Variants in CNTN5 observed in about 807,000 individuals in gnomAD.
CNTN5 encodes contactin-5.
CNTN5 carries 77 observed loss-of-function variants against 129.1 expected under a neutral mutation model. That is an observed-to-expected ratio of 0.60 (90% CI 0.50 to 0.72). The LOEUF (loss-of-function observed/expected upper bound fraction) is 0.72, where lower values mean the gene tolerates loss of function less well. Among genes scored for constraint, CNTN5 ranks in the 30% least tolerant of loss-of-function variants. The pLI is 0.00. For synonymous variants in CNTN5, 509 were observed against 465.6 expected (o/e 1.09, Z -1.20); for missense variants, 1,478 against 1,328.8 (o/e 1.11, Z -1.75).
chr11:100,270,085 C>G (rs536862732), intron 17 of CNTN5, among the ~76,000 whole-genome samples: 1 of 151,768 alleles, frequency 6.6e-6, no homozygotes, highest in Non-Finnish European at 1.5e-5. Context: ...TTTTCCATGT[C>G]TTCATGTCAC....
chr11:99,844,748 G>T, intron 4 of CNTN5, 104 bp from the exon 5 acceptor site: 2 of 1,152,840 alleles, frequency 1.7e-6, no homozygotes, highest in Non-Finnish European at 1.2e-6. Context: ...TTGATTACAA[G>T]AAAAGAGCAA....
At chr11:99,266,758 A>G (rs1474774627) in intron 1 of CNTN5, among the ~76,000 whole-genome samples, 1 of 152,104 alleles carries the variant, frequency 6.6e-6, no homozygotes, top group East Asian at 1.9e-4. Context: ...GAGCATCTGC[A>G]AATTTTAGTA....
chr11:99,566,046 G>A (rs1228680835), intron 3 of CNTN5, among the ~76,000 whole-genome samples: 1 of 152,168 alleles, frequency 6.6e-6, no homozygotes, highest in Non-Finnish European at 1.5e-5. Context: ...GAGTTTGGAT[G>A]TTTGTCTTCT....
intron 4 of CNTN5, among the ~76,000 whole-genome samples, chr11:99,839,102 G>C (rs1011983938): frequency 6.6e-6 from 1 of 151,574 alleles, no homozygotes; most frequent in East Asian, 2.0e-4. Flanking sequence ...TCATTATTTT[G>C]AAATACAATT....
chr11:99,811,451 A>C (rs186840459), intron 3 of CNTN5, among the ~76,000 whole-genome samples: 27 of 147,928 alleles, frequency 1.8e-4, no homozygotes, highest in African/African-American at 6.6e-4. Context: ...TTTTGTTAAT[A>C]TTTTATTTAT....
chr11:99,749,878 C>A (rs983967145), intron 3 of CNTN5, among the ~76,000 whole-genome samples: 4 of 152,262 alleles, frequency 2.6e-5, no homozygotes, highest in African/African-American at 9.6e-5. Flanking sequence ...TATGCTTTGG[C>A]CACGGGGATA....
chr11:99,581,069 C>T (rs879784529), intron 3 of CNTN5, among the ~76,000 whole-genome samples: 879 of 116,670 alleles, frequency 7.5e-3, no homozygotes, highest in South Asian at 0.014. Context: ...ATCTTTATTT[C>T]TGCCTTCATT....
At chr11:99,819,508 C>G in intron 3 of CNTN5, 36 bp from the exon 4 acceptor site, 1 of 1,552,766 alleles carries the variant, frequency 6.4e-7, no homozygotes, top group African/African-American at 1.4e-5. Context: ...CTAGTTTCCT[C>G]AAAATTCAGA....
chr11:99,384,933 TA>T (rs1320840528), intron 2 of CNTN5, among the ~76,000 whole-genome samples: 12 of 152,184 alleles, frequency 7.9e-5, no homozygotes, highest in Non-Finnish European at 1.5e-4. Context: ...AAATTATTAT[TA>T]ATATGTTTGC....
intron 3 of CNTN5, among the ~76,000 whole-genome samples, chr11:99,644,771 C>T (rs757864488): frequency 1.3e-4 from 20 of 151,922 alleles, no homozygotes; most frequent in Non-Finnish European, 2.2e-4. Context: ...GATTTTTGTT[C>T]TAATATGTTG....
intron 2 of CNTN5, among the ~76,000 whole-genome samples, chr11:99,549,926 T>C: frequency 6.6e-6 from 1 of 152,184 alleles, no homozygotes. Flanking sequence ...TTTTCTACTC[T>C]TATATTTTAA....
chr11:100,236,394 G>T (rs568478187), intron 16 of CNTN5, among the ~76,000 whole-genome samples: 1 of 152,226 alleles, frequency 6.6e-6, no homozygotes, highest in Admixed American at 6.5e-5. Context: ...GAAGTTTCCC[G>T]CCTGACTGCT....
At chr11:99,992,973 C>T (rs569985666) in intron 8 of CNTN5, among the ~76,000 whole-genome samples, 45 of 152,254 alleles carry the variant, frequency 3.0e-4, no homozygotes, top group African/African-American at 1.1e-3. Flanking sequence ...ATATTCAGCT[C>T]CATACTAGGG....
chr11:100,351,697 A>T (rs1480097064), intron 24 of CNTN5, among the ~76,000 whole-genome samples: 1 of 150,370 alleles, frequency 6.7e-6, no homozygotes, highest in Non-Finnish European at 1.5e-5. Flanking sequence ...GCAAATTTCT[A>T]ATTTTAAAAG....
At chr11:99,930,796 A>AACACACAC (rs59103010) in intron 7 of CNTN5, among the ~76,000 whole-genome samples, 83,364 of 149,350 alleles carry the variant, frequency 0.56, 23,461 homozygotes, top group Non-Finnish European at 0.62. Context: ...CATACACACA[A>AACACACAC]ACACACACAC....
intron 4 of CNTN5, among the ~76,000 whole-genome samples, chr11:99,840,319 AAAAT>A (rs1416309919): frequency 2.6e-5 from 4 of 152,132 alleles, no homozygotes; most frequent in Admixed American, 2.6e-4. Flanking sequence ...TTTTTGGTAA[AAAAT>A]AAGGAACTTA....
intron 6 of CNTN5, among the ~76,000 whole-genome samples, chr11:99,881,796 T>G (rs919207794): frequency 6.6e-6 from 1 of 152,164 alleles, no homozygotes; most frequent in Non-Finnish European, 1.5e-5. Context: ...CCTCCAGCCG[T>G]GTATCGCAGA....
intron 6 of CNTN5, among the ~76,000 whole-genome samples, chr11:99,869,022 C>A (rs951727293): frequency 3.3e-5 from 5 of 152,152 alleles, no homozygotes; most frequent in East Asian, 1.9e-4. Flanking sequence ...CTGGTAATCA[C>A]CCCTACAGTG....
chr11:100,181,473 G>A (rs1340780128), intron 13 of CNTN5, among the ~76,000 whole-genome samples: 4 of 151,890 alleles, frequency 2.6e-5, no homozygotes, highest in African/African-American at 4.8e-5. Flanking sequence ...ATAAAGAATC[G>A]GTGGGTTAGA....
Sources: allele counts gnomAD v4.1 joint callset (sites outside exome capture counted in the v4.1 genomes callset), GRCh38; gene constraint gnomAD v4.1.1; transcripts MANE v1.5; gene names NCBI Gene and HGNC (gene_info 2026-07-23, HGNC 2026-07-21).